MMS22L: variants seen among roughly 807,000 people sequenced by gnomAD.
MMS22L encodes the protein protein MMS22-like.
A neutral mutation model predicts 159.1 loss-of-function variants in MMS22L; 74 were observed. The observed-to-expected ratio is 0.47, with a 90% CI of 0.39 to 0.56. The LOEUF is 0.56. Among genes scored for constraint, MMS22L ranks in the 20% least tolerant of loss-of-function variants. MMS22L has a pLI of 0.00. For missense variants in MMS22L, 1,351 were observed against 1,422.1 expected (o/e 0.95, Z 0.80); for synonymous variants, 517 against 506.9 (o/e 1.02, Z -0.27).
At position 97,144,120 on chromosome 6, in the gene MMS22L, A is replaced by AAAAAAAAAAAAAAAAAAAAAAAAAC. The variant is rs1800778815; in HGVS notation, c.*2685_*2686insGTTTTTTTTTTTTTTTTTTTTTTTT. 1 of 146,620 alleles carries AAAAAAAAAAAAAAAAAAAAAAAAAC rather than the reference A, an allele frequency of 6.8e-6. No homozygotes were observed. The highest frequency in any genetic ancestry group is 1.9e-4 in the East Asian group (1 of 5,206). The allele number at this position is 146,620 out of a possible 1,614,324, so 9.1% of individuals were successfully genotyped here. A position where few individuals can be genotyped will look rare whatever the true frequency, so the allele number is the denominator to read the frequency against. ...ACAACAACAACAAAAAAAAAAAAAA[A>AAAAAAAAAAAAAAAAAAAAAAAAAC]AAAAAAAAGAGAGAGAAAAGCTGGA... On this transcript the variant is annotated 3_prime_UTR_variant, in exon 25 of 25. Coordinates refer to ENST00000683635, the MANE Select transcript of MMS22L (RefSeq NM_001350599.2).
chr6:97,210,713 T>C (rs555870819), intron 14 of MMS22L, among the ~76,000 whole-genome samples: 23 of 152,064 alleles, frequency 1.5e-4, no homozygotes, highest in African/African-American at 5.3e-4. Flanking sequence ...CTGAACTGTG[T>C]TGAATCTCTA....
At chr6:97,248,758 T>G (rs182831359) in intron 10 of MMS22L, among the ~76,000 whole-genome samples, 3 of 151,454 alleles carry the variant, frequency 2.0e-5, no homozygotes, top group African/African-American at 7.3e-5. Flanking sequence ...ACTAGGGAGG[T>G]TGAGGCAGGA....
chr6:97,142,917 G>A lies in MMS22L; in HGVS notation c.*3889C>T, dbSNP rs1028236711. 6.6e-6 allele frequency: 1 copy of A among 152,318 alleles called. No individual in the cohort carries two copies. Among genetic ancestry groups the A allele is most frequent in the Non-Finnish European group, 1.5e-5 (1 of 67,968 alleles). 9.4% of individuals were successfully genotyped at this position (152,318 alleles called of 1,614,324 possible). On this transcript the variant is annotated 3_prime_UTR_variant, in exon 25 of 25. Transcript: ENST00000683635. The stretch of plus-strand genomic sequence containing the variant: ...AAATATTTTCTTATACAGATGCTGA[G>A]GTAGAAAAAGTCAAATATGCTTAAG...
intron 18 of MMS22L, among the ~76,000 whole-genome samples, chr6:97,176,837 A>C (rs1209648443): frequency 6.6e-6 from 1 of 152,128 alleles, no homozygotes; most frequent in African/African-American, 2.4e-5. Flanking sequence ...CCTTTTGCTG[A>C]TTATGCTTCG....
chr6:97,226,988 G>C (rs1810333990), intron 14 of MMS22L, among the ~76,000 whole-genome samples: 1 of 152,122 alleles, frequency 6.6e-6, no homozygotes, highest in Non-Finnish European at 1.5e-5. Context: ...CTGAACTAGA[G>C]AATGAAGAAG....
intron 2 of MMS22L, 123 bp downstream of exon 2, chr6:97,282,191 T>C (rs2128105483): frequency 5.5e-6 from 5 of 917,426 alleles, no homozygotes; most frequent in Non-Finnish European, 6.6e-6. Context: ...CCTTATGATA[T>C]ACTAAGCTGA....
At chr6:97,275,742 T>G (rs1324918537) in intron 4 of MMS22L, among the ~76,000 whole-genome samples, 1 of 152,194 alleles carries the variant, frequency 6.6e-6, no homozygotes, top group East Asian at 1.9e-4. Flanking sequence ...TGGTGGGTGA[T>G]ACCTATAATG....
chr6:97,219,343 A>G (rs1809377763), intron 14 of MMS22L, among the ~76,000 whole-genome samples: 1 of 152,214 alleles, frequency 6.6e-6, no homozygotes, highest in Non-Finnish European at 1.5e-5. Flanking sequence ...CTGAAAGCTT[A>G]TTATGATTCA....
At chr6:97,172,254 T>C (rs1803625195) in intron 19 of MMS22L, among the ~76,000 whole-genome samples, 1 of 152,182 alleles carries the variant, frequency 6.6e-6, no homozygotes. Context: ...TCCTGTAATT[T>C]ACATCTTCTA....
intron 16 of MMS22L, among the ~76,000 whole-genome samples, chr6:97,180,513 C>T (rs1804601811): frequency 1.3e-5 from 2 of 151,932 alleles, no homozygotes. Context: ...TCATACAAAC[C>T]ACAAATCTAA....
chr6:97,207,441 A>C (rs182044327), intron 14 of MMS22L, among the ~76,000 whole-genome samples: 16 of 152,324 alleles, frequency 1.1e-4, no homozygotes, highest in Admixed American at 7.2e-4. Context: ...TAAAAACATA[A>C]TTTCATTACA....
intron 11 of MMS22L, among the ~76,000 whole-genome samples, chr6:97,245,637 A>T (rs1235879349): frequency 6.6e-6 from 1 of 152,222 alleles, no homozygotes; most frequent in Non-Finnish European, 1.5e-5. Flanking sequence ...GGATTATGGG[A>T]AAGATTATAA....
intron 13 of MMS22L, among the ~76,000 whole-genome samples, chr6:97,229,655 A>G (rs1328735424): frequency 6.6e-6 from 1 of 152,202 alleles, no homozygotes; most frequent in Non-Finnish European, 1.5e-5. Context: ...AGGAAAGTAG[A>G]AATGTTTTCA....
rs1324398277 is a variant in MMS22L at position 97,253,211 on chromosome 6, T to C, written c.1119+1346A>G. ...ATTACGGGGATTATTTAGAGGACTT[T>C]TTGAGACCCTTTCCATTTCTATGAT... On this transcript the variant is annotated intron_variant, in intron 10 of 24. Coordinates refer to ENST00000683635, the MANE Select transcript of MMS22L (RefSeq NM_001350599.2). 2.6e-5 allele frequency among the ~76,000 whole-genome samples: 4 copies of C among 152,322 alleles called. No individual in the cohort carries two copies. The East Asian group carries it at 7.7e-4, about 29-fold the overall frequency.
chr6:97,253,910 A>ATACAATAC (rs1311223800), intron 10 of MMS22L: 3 of 152,302 alleles, frequency 2.0e-5, no homozygotes, highest in African/African-American at 7.2e-5. Flanking sequence ...TGATACAATA[A>ATACAATAC]TACAATACTA....
rs754528494 is a variant in MMS22L at position 97,179,324 on chromosome 6, A to C, written c.2536+84T>G. Reference sequence around the variant, plus strand: ...ATTACGAATATTTTGTATATTTTCTATTAATTACATAACAAATGATCTAGA... The same window carrying C: ...ATTACGAATATTTTGTATATTTTCTCTTAATTACATAACAAATGATCTAGA... On this transcript the variant is annotated intron_variant, in intron 17 of 24. Coordinates refer to ENST00000683635, the MANE Select transcript of MMS22L (RefSeq NM_001350599.2). The C allele has an allele frequency of 4.3e-6, 5 of 1,173,822 alleles. No individual in the cohort carries two copies. The East Asian group carries it at 1.2e-4, about 29-fold the overall frequency. 72.7% of individuals were successfully genotyped at this position (1,173,822 alleles called of 1,614,324 possible). A position where few individuals can be genotyped will look rare whatever the true frequency, so the allele number is the denominator to read the frequency against.
At chr6:97,264,575 A>C (rs1413122868) in intron 8 of MMS22L, 1 of 152,178 alleles carries the variant, frequency 6.6e-6, no homozygotes, top group Non-Finnish European at 1.5e-5. Flanking sequence ...AAGAAAGAAA[A>C]GGCATCTAAA....
chr6:97,232,009 G>T (rs548733385), intron 12 of MMS22L, among the ~76,000 whole-genome samples: 2 of 152,076 alleles, frequency 1.3e-5, no homozygotes, highest in Admixed American at 6.5e-5. Context: ...GTCATTGGTT[G>T]TATAAAATTT....
At chr6:97,283,514 CA>C (rs1816962976), upstream of MMS22L, 1 of 152,284 alleles carries the variant, frequency 6.6e-6, no homozygotes, top group African/African-American at 2.4e-5. Context: ...GCCTCGTTCA[CA>C]CCCACAGTCG....
Sources: gnomAD v4.1 joint callset for allele counts (sites outside exome capture counted in the v4.1 genomes callset) on GRCh38, gnomAD v4.1.1 for gene constraint, MANE v1.5 for transcripts, NCBI Gene and HGNC (gene_info 2026-07-23, HGNC 2026-07-21) for gene names.